Variants in MORC3 observed in about 807,000 individuals in gnomAD.
MORC3 encodes the protein MORC family CW-type zinc finger 3.
In MORC3, 31 loss-of-function variants were observed where a neutral mutation model predicts 109.1. The ratio of observed to expected loss-of-function variants is 0.28; its 90% confidence interval spans 0.21 to 0.38. The LOEUF (loss-of-function observed/expected upper bound fraction) is 0.38, where lower values mean the gene tolerates loss of function less well. Among genes scored for constraint, MORC3 ranks in the 10% least tolerant of loss-of-function variants. MORC3 has a pLI of 1.00. For synonymous variants in MORC3, 395 were observed against 380.7 expected (o/e 1.04, Z -0.44); for missense variants, 867 against 1,135.8 (o/e 0.76, Z 3.40).
At chr21:36,359,556 C>CTT (rs5843757) in intron 10 of MORC3, among the ~76,000 whole-genome samples, 152 of 93,886 alleles carry the variant, frequency 1.6e-3, no homozygotes, top group Non-Finnish European at 2.1e-3. Context: ...CTTTCCTCTC[C>CTT]TTTTTTTTTT....
intron 6 of MORC3, 85 bp from the exon 7 acceptor site, chr21:36,344,493 TA>T: frequency 7.0e-7 from 1 of 1,421,070 alleles, no homozygotes; most frequent in Non-Finnish European, 9.5e-7. Flanking sequence ...TTTATCAAGT[TA>T]ATAGGAGAGC....
chr21:36,341,071 T>C (rs971825493), intron 5 of MORC3, among the ~76,000 whole-genome samples: 1 of 152,220 alleles, frequency 6.6e-6, no homozygotes, highest in African/African-American at 2.4e-5. Flanking sequence ...TACACAGTTT[T>C]GTGGGAATAT....
chr21:36,371,047 GTTC>G (rs1417582055), intron 15 of MORC3, among the ~76,000 whole-genome samples: 1 of 152,098 alleles, frequency 6.6e-6, no homozygotes, highest in Non-Finnish European at 1.5e-5. Flanking sequence ...TTATGCATGG[GTTC>G]TTCTACTGAG....
rs929122277 is a variant in MORC3 at position 36,376,373 on chromosome 21, A to G, written c.*1077A>G. 9 of 152,542 alleles carry G rather than the reference A, an allele frequency of 5.9e-5. No individual in the cohort carries two copies. The allele number at this position is 152,542 out of a possible 1,614,324, so 9.4% of individuals were successfully genotyped here. On this transcript the variant is annotated 3_prime_UTR_variant, in exon 17 of 17. Coordinates refer to ENST00000400485, the MANE Select transcript of MORC3 (RefSeq NM_015358.3). Reference sequence around the variant, plus strand: ...GCATTATTTTTTCCAAAGTTTTATCATTGCTATTTATTTTTACCTTTGTTT... The same window carrying G: ...GCATTATTTTTTCCAAAGTTTTATCGTTGCTATTTATTTTTACCTTTGTTT...
intron 13 of MORC3, among the ~76,000 whole-genome samples, chr21:36,363,618 A>G (rs556371294): frequency 6.6e-6 from 1 of 152,344 alleles, no homozygotes; most frequent in East Asian, 1.9e-4. Flanking sequence ...AGTGAAAAAC[A>G]AAACAAAAAT....
At chr21:36,347,536 T>C (rs1006065417) in intron 8 of MORC3, among the ~76,000 whole-genome samples, 2 of 152,210 alleles carry the variant, frequency 1.3e-5, no homozygotes, top group African/African-American at 4.8e-5. Flanking sequence ...GTATTTGCAT[T>C]CTGTGGATTC....
chr21:36,329,948 C>T (rs1358597345), intron 1 of MORC3, among the ~76,000 whole-genome samples: 4 of 151,872 alleles, frequency 2.6e-5, no homozygotes, highest in South Asian at 2.1e-4. Context: ...CTGTAACCTC[C>T]GCCTCCTGAG....
intron 16 of MORC3, among the ~76,000 whole-genome samples, chr21:36,373,952 A>G (rs191127284): frequency 3.9e-5 from 6 of 152,334 alleles, no homozygotes; most frequent in Admixed American, 6.5e-5. Context: ...TAAAAAGTCT[A>G]GAATGTTGAT....
chr21:36,338,800 A>G lies in MORC3; in HGVS notation c.487A>G (p.Lys163Glu). ...HRQMINLAESKASLAAILEHS... is the reference protein window; with the variant it reads ...HRQMINLAESEASLAAILEHS... ...ACAGATGATTAATTTAGCAGAATCA[A>G]AAGCCAGCCTTGCTGCAATTCTGGA... Residue 163 changes from lysine to glutamate, a missense_variant, in exon 5 of 17, where the codon AAA becomes GAA. This residue lies in a region of MORC3 where 134 missense variants were observed against 166.6 expected (regional missense o/e 0.80). Transcript: ENST00000400485. 3.7e-6 allele frequency: 6 copies of G among 1,613,946 alleles called. No individual in the cohort carries two copies. The highest frequency in any genetic ancestry group is 5.1e-6 in the Non-Finnish European group (6 of 1,179,840).
intron 1 of MORC3, among the ~76,000 whole-genome samples, chr21:36,330,186 CTT>C (rs907036063): frequency 6.0e-5 from 9 of 149,338 alleles, no homozygotes; most frequent in Non-Finnish European, 1.2e-4. Flanking sequence ...TGGCCATTCC[CTT>C]TTTTTTTTCT....
chr21:36,360,342 C>A, intron 12 of MORC3, 84 bp downstream of exon 12: 1 of 1,327,372 alleles, frequency 7.5e-7, no homozygotes. Context: ...GATGCTTCTC[C>A]AAGGTAAAGC....
At chr21:36,354,161 C>T (rs1483568985) in intron 9 of MORC3, among the ~76,000 whole-genome samples, 2 of 151,908 alleles carry the variant, frequency 1.3e-5, no homozygotes, top group African/African-American at 2.4e-5. Context: ...ATGTCTTCAT[C>T]CTCGTAGTCT....
At chr21:36,345,721 G>T (rs994000356) in intron 8 of MORC3, among the ~76,000 whole-genome samples, 2 of 152,054 alleles carry the variant, frequency 1.3e-5, no homozygotes, top group Non-Finnish European at 2.9e-5. Context: ...CACTCGGCCA[G>T]TTGTTTTGTA....
intron 13 of MORC3, among the ~76,000 whole-genome samples, chr21:36,362,818 C>A (rs1162498627): frequency 6.6e-6 from 1 of 152,094 alleles, no homozygotes; most frequent in African/African-American, 2.4e-5. Context: ...GCCCACCTTT[C>A]CAACTCTTCC....
chr21:36,374,922 C>G (rs972097368), intron 16 of MORC3, among the ~76,000 whole-genome samples: 1 of 152,164 alleles, frequency 6.6e-6, no homozygotes, highest in Non-Finnish European at 1.5e-5. Context: ...TCTCCCTCCT[C>G]GGCTTCACAA....
At chr21:36,346,835 T>C (rs879657764) in intron 8 of MORC3, among the ~76,000 whole-genome samples, 3 of 151,422 alleles carry the variant, frequency 2.0e-5, no homozygotes, top group East Asian at 3.9e-4. Context: ...AAAAATCGTC[T>C]CTACAAAACA....
At chr21:36,332,790 C>CT (rs71197001) in intron 1 of MORC3, among the ~76,000 whole-genome samples, 99,185 of 139,840 alleles carry the variant, frequency 0.71, 35,990 homozygotes, top group East Asian at 0.99. Flanking sequence ...GGAACTCTTT[C>CT]TTTTTTTTTT....
In MORC3 at chr21:36,369,982, T is replaced by C. The variant is rs184293570; in HGVS notation, c.2508+106T>C. 7 of 1,340,676 alleles carry C rather than the reference T, an allele frequency of 5.2e-6. No individual in the cohort carries two copies. The East Asian group carries it at 6.9e-5, about 13-fold the overall frequency. The allele number at this position is 1,340,676 out of a possible 1,614,324, so 83.0% of individuals were successfully genotyped here. ...TGGCTCATACCTGTAATCCCACCAC[T>C]TGGGGAGGCCAAGGCGGGTGGGTCA... On this transcript the variant is annotated intron_variant, in intron 15 of 16. Transcript: ENST00000400485.
chr21:36,370,203 GTC>G (rs1311753459), intron 15 of MORC3, among the ~76,000 whole-genome samples: 2 of 152,086 alleles, frequency 1.3e-5, no homozygotes, highest in African/African-American at 4.8e-5. Flanking sequence ...GCGAGACTCT[GTC>G]TCAAAAAAAA....
Sources: allele counts gnomAD v4.1 joint callset (sites outside exome capture counted in the v4.1 genomes callset), GRCh38; gene constraint gnomAD v4.1.1; regional missense constraint gnomAD v4.1.1; transcripts MANE v1.5; gene names NCBI Gene and HGNC (gene_info 2026-07-23, HGNC 2026-07-21).